IL1RAPL2: variants seen among roughly 807,000 people sequenced by gnomAD.
IL1RAPL2 encodes the protein interleukin 1 receptor accessory protein like 2, also known as X-linked interleukin-1 receptor accessory protein-like 2.
A neutral mutation model predicts 44.1 loss-of-function variants in IL1RAPL2; 3 were observed. The ratio of observed to expected loss-of-function variants is 0.07; its 90% CI spans 0.03 to 0.18. IL1RAPL2 has a LOEUF of 0.18. Among genes scored for constraint, IL1RAPL2 ranks in the 10% least tolerant of loss-of-function variants. The pLI is 1.00. For missense variants in IL1RAPL2, 391 were observed against 496.4 expected (o/e 0.79, Z 2.02); for synonymous variants, 181 against 178.8 (o/e 1.01, Z -0.10).
intron 10 of IL1RAPL2, among the ~76,000 whole-genome samples, chrX:105,758,509 C>T (rs1185320313): frequency 9.0e-6 from 1 of 110,985 alleles, no homozygotes; most frequent in African/African-American, 3.3e-5. Flanking sequence ...GTGTCTGTAC[C>T]ACCCATGCCC....
intron 7 of IL1RAPL2, among the ~76,000 whole-genome samples, chrX:105,733,242 T>G (rs1237071650): frequency 8.9e-6 from 1 of 111,929 alleles, no homozygotes; most frequent in East Asian, 2.8e-4. Context: ...AATTTCCTAT[T>G]CTTGTTTATC....
intron 2 of IL1RAPL2, among the ~76,000 whole-genome samples, chrX:105,000,085 G>A (rs1172703515): frequency 9.1e-6 from 1 of 109,387 alleles, no homozygotes; most frequent in Non-Finnish European, 1.9e-5. Flanking sequence ...CCTTCTCAAA[G>A]CCTTTATAGA....
intron 8 of IL1RAPL2, among the ~76,000 whole-genome samples, chrX:105,743,410 G>T (rs2038516171): frequency 9.0e-6 from 1 of 111,298 alleles, no homozygotes; most frequent in Non-Finnish European, 1.9e-5. Context: ...TCCTGCCTCA[G>T]GTCCTTTGCA....
chrX:104,962,919 T>C (rs1366766847), intron 2 of IL1RAPL2, among the ~76,000 whole-genome samples: 2 of 111,994 alleles, frequency 1.8e-5, no homozygotes, highest in Non-Finnish European at 3.8e-5. Flanking sequence ...CATTTTTTTC[T>C]GTCTGGTTAA....
chrX:104,864,241 G>A (rs1352398840), intron 2 of IL1RAPL2, among the ~76,000 whole-genome samples: 1 of 112,029 alleles, frequency 8.9e-6, no homozygotes, highest in East Asian at 2.8e-4. Flanking sequence ...ACAAACTTCA[G>A]AGGCCAAGCA....
intron 1 of IL1RAPL2, chrX:104,647,806 A>G: frequency 1.8e-6 from 1 of 542,118 alleles, no homozygotes; most frequent in Non-Finnish European, 3.4e-6. Flanking sequence ...AGTCAAAGAT[A>G]ATTGGTTTCT....
intron 2 of IL1RAPL2, among the ~76,000 whole-genome samples, chrX:104,881,494 T>A (rs2147658570): frequency 8.9e-6 from 1 of 112,327 alleles, no homozygotes; most frequent in African/African-American, 3.2e-5. Flanking sequence ...CAAAGAAAAA[T>A]AATTTCCATA....
intron 4 of IL1RAPL2, among the ~76,000 whole-genome samples, chrX:105,240,943 G>A (rs1556207624): frequency 9.0e-6 from 1 of 111,615 alleles, no homozygotes; most frequent in Non-Finnish European, 1.9e-5. Context: ...GCTGAGGCAT[G>A]AGAATGGCTT....
At chrX:105,253,728 T>C (rs766572570) in intron 4 of IL1RAPL2, among the ~76,000 whole-genome samples, 59 of 111,463 alleles carry the variant, frequency 5.3e-4, no homozygotes, top group African/African-American at 1.9e-3. Context: ...TAGACCCCAG[T>C]GTCTGTTGTT....
Position 105,128,096 on chromosome X carries a change from G to A in IL1RAPL2, c.83-67379G>A, listed in dbSNP as rs966099516. Among the ~76,000 whole-genome samples the A allele has an allele frequency of 3.6e-5, 4 of 110,766 alleles. No individual in the cohort carries two copies. In the East Asian group the frequency reaches 1.1e-3, roughly 32 times the overall value. Reference sequence around the variant, plus strand: ...TCTATCTCTAATTCCTTCTGCTTAAGTAACATGTACCAACCCTTAAGCAGT... The same window carrying A: ...TCTATCTCTAATTCCTTCTGCTTAAATAACATGTACCAACCCTTAAGCAGT... On this transcript the variant is annotated intron_variant, in intron 2 of 10. Transcript: ENST00000372582.
intron 5 of IL1RAPL2, among the ~76,000 whole-genome samples, chrX:105,337,726 C>T (rs934906019): frequency 1.3e-4 from 15 of 111,679 alleles, no homozygotes; most frequent in African/African-American, 4.9e-4. Context: ...CCTGTCTCTA[C>T]TAAAAATACA....
intron 2 of IL1RAPL2, among the ~76,000 whole-genome samples, chrX:104,865,379 A>G (rs1381946729): frequency 8.9e-6 from 1 of 111,949 alleles, no homozygotes; most frequent in East Asian, 2.8e-4. Context: ...GTTAGGCATA[A>G]TTATGACCTT....
intron 2 of IL1RAPL2, among the ~76,000 whole-genome samples, chrX:104,684,078 G>C (rs1219681972): frequency 9.0e-6 from 1 of 111,667 alleles, no homozygotes; most frequent in Non-Finnish European, 1.9e-5. Flanking sequence ...TAAGAAGCAC[G>C]ATTAGTGCTC....
intron 6 of IL1RAPL2, among the ~76,000 whole-genome samples, chrX:105,610,514 A>G (rs912758995): frequency 1.8e-5 from 2 of 111,541 alleles, no homozygotes; most frequent in Admixed American, 9.5e-5. Context: ...TTTTCTTGCT[A>G]TCTTTTTAAA....
intron 2 of IL1RAPL2, among the ~76,000 whole-genome samples, chrX:104,677,912 C>T (rs1372775105): frequency 8.9e-6 from 1 of 112,546 alleles, no homozygotes; most frequent in Non-Finnish European, 1.9e-5. Context: ...CTCCCTGACC[C>T]CTTGCGCTTC....
intron 2 of IL1RAPL2, among the ~76,000 whole-genome samples, chrX:104,666,284 A>G (rs1194185812): frequency 8.9e-6 from 1 of 112,141 alleles, no homozygotes; most frequent in African/African-American, 3.2e-5. Context: ...AACATCTGAT[A>G]TGATTGAAAT....
intron 2 of IL1RAPL2, among the ~76,000 whole-genome samples, chrX:104,990,600 G>T (rs1322487133): frequency 2.7e-5 from 3 of 111,338 alleles, no homozygotes; most frequent in Non-Finnish European, 3.8e-5. Context: ...AAGAATATAA[G>T]GTGACTTGAG....
At chrX:104,821,369 A>G (rs1474895466) in intron 2 of IL1RAPL2, among the ~76,000 whole-genome samples, 3 of 110,461 alleles carry the variant, frequency 2.7e-5, no homozygotes, top group African/African-American at 9.9e-5. Flanking sequence ...TACGTTAGGT[A>G]TTTCTCCTAA....
At position 104,761,997 on chromosome X, in the gene IL1RAPL2, T is replaced by C. The variant is rs1376822720; in HGVS notation, c.82+103002T>C. ...CTTCTTCTTCTTCCTCCTCCTCCTC[T>C]TCTTCTTCTTCTTTTTTTGAGACAG... is the stretch of plus-strand genomic sequence containing the variant. On this transcript the variant is annotated intron_variant, in intron 2 of 10. Coordinates refer to ENST00000372582, the MANE Select transcript of IL1RAPL2 (RefSeq NM_017416.2). Among the ~76,000 whole-genome samples the C allele has an allele frequency of 8.2e-5, 8 of 97,442 alleles. No individual in the cohort carries two copies. The East Asian group carries it at 1.3e-3, about 16-fold the overall frequency. 84.6% of individuals were successfully genotyped at this position (97,442 alleles called of 115,157 possible). A position where few individuals can be genotyped will look rare whatever the true frequency, so the allele number is the denominator to read the frequency against.
Sources: gnomAD v4.1 joint callset for allele counts (sites outside exome capture counted in the v4.1 genomes callset) on GRCh38, gnomAD v4.1.1 for gene constraint, MANE v1.5 for transcripts, NCBI Gene and HGNC (gene_info 2026-07-23, HGNC 2026-07-21) for gene names.